Variants in TNS3 observed in about 807,000 individuals in gnomAD.
The protein encoded by TNS3 is tensin 3.
TNS3 carries 45 observed loss-of-function variants against 140.9 expected under a neutral mutation model. That is an observed-to-expected ratio of 0.32 (90% confidence interval 0.25 to 0.41). The LOEUF (loss-of-function observed/expected upper bound fraction) is 0.41. Ranked by LOEUF, TNS3 falls within the 10% of genes least tolerant of loss-of-function variation. The pLI, the probability that TNS3 is intolerant of heterozygous loss-of-function variation, is 1.00. For missense variants in TNS3, 1,716 were observed against 1,906.7 expected (o/e 0.90, Z 1.86); for synonymous variants, 815 against 788.4 (o/e 1.03, Z -0.56).
At chr7:47,334,230 A>G (rs920375912) in intron 20 of TNS3, among the ~76,000 whole-genome samples, 1 of 152,134 alleles carries the variant, frequency 6.6e-6, no homozygotes, top group Non-Finnish European at 1.5e-5. Flanking sequence ...AAAACCTCCA[A>G]TCGACAGCAG....
chr7:47,349,368 T>A (rs1789530258), intron 17 of TNS3, among the ~76,000 whole-genome samples: 1 of 152,362 alleles, frequency 6.6e-6, no homozygotes, highest in East Asian at 1.9e-4. Context: ...TGCCTCTCCC[T>A]CTGGATGGAT....
At chr7:47,450,262 AAAG>A (rs1238644665) in intron 4 of TNS3, among the ~76,000 whole-genome samples, 2 of 152,238 alleles carry the variant, frequency 1.3e-5, no homozygotes, top group Admixed American at 6.5e-5. Context: ...GGCTTATCTA[AAAG>A]AAGAATAGGA....
chr7:47,564,260 T>A (rs1341392048), intron 1 of TNS3, among the ~76,000 whole-genome samples: 6 of 149,380 alleles, frequency 4.0e-5, no homozygotes, highest in African/African-American at 1.5e-4. Context: ...CTCTCCATAA[T>A]GTCAGTGGGG....
chr7:47,433,982 AG>A (rs1231187269), intron 8 of TNS3, among the ~76,000 whole-genome samples: 1 of 152,146 alleles, frequency 6.6e-6, no homozygotes, highest in Non-Finnish European at 1.5e-5. Flanking sequence ...ATACTTGAAA[AG>A]ATCAGGTCAT....
rs1784826444 is a variant in TNS3, at chr7:47,275,269, CA to C, written c.*2806del. Reference sequence around the variant, plus strand: ...ATTTACATACTGGATATATTCTTTACAGTATCAGAAAAGTAAAAATATGCAC... The same window carrying C: ...ATTTACATACTGGATATATTCTTTACGTATCAGAAAAGTAAAAATATGCAC... On this transcript the variant is annotated 3_prime_UTR_variant, in exon 31 of 31. Transcript: ENST00000311160. 1 of 152,652 alleles carries C rather than the reference CA, an allele frequency of 6.6e-6. No homozygotes were observed. The highest frequency in any genetic ancestry group is 6.5e-5 in the Admixed American group (1 of 15,284). The allele number at this position is 152,652 out of a possible 1,614,324, so 9.5% of individuals were successfully genotyped here. A position where few individuals can be genotyped will look rare whatever the true frequency, so the allele number is the denominator to read the frequency against.
At chr7:47,478,188 T>A (rs185410431) in intron 4 of TNS3, among the ~76,000 whole-genome samples, 78 of 152,292 alleles carry the variant, frequency 5.1e-4, no homozygotes, top group Non-Finnish European at 5.9e-5. Flanking sequence ...ACACTTGAGC[T>A]GATCAGCCTT....
At chr7:47,540,699 G>A (rs1799760189) in intron 1 of TNS3, among the ~76,000 whole-genome samples, 1 of 152,242 alleles carries the variant, frequency 6.6e-6, no homozygotes, top group Non-Finnish European at 1.5e-5. Flanking sequence ...GTGACTTGAA[G>A]CAGAAGCAGA....
chr7:47,322,910 G>A (rs796846988), intron 20 of TNS3, among the ~76,000 whole-genome samples: 39 of 152,306 alleles, frequency 2.6e-4, no homozygotes, highest in African/African-American at 9.1e-4. Context: ...GCACACTGCT[G>A]GAACCGTGTC....
intron 3 of TNS3, among the ~76,000 whole-genome samples, chr7:47,489,167 C>T (rs1048553304): frequency 2.0e-5 from 3 of 152,248 alleles, no homozygotes; most frequent in Non-Finnish European, 4.4e-5. Flanking sequence ...AACACCCGCC[C>T]GGCAGACGCA....
At chr7:47,313,549 A>G (rs1002988611) in intron 20 of TNS3, among the ~76,000 whole-genome samples, 1 of 152,218 alleles carries the variant, frequency 6.6e-6, no homozygotes, top group Non-Finnish European at 1.5e-5. Context: ...AAAGAGTCAT[A>G]TAAGAGAGGA....
intron 10 of TNS3, among the ~76,000 whole-genome samples, chr7:47,421,968 G>A (rs777201744): frequency 5.3e-5 from 8 of 152,054 alleles, no homozygotes; most frequent in Non-Finnish European, 1.0e-4. Flanking sequence ...AGCCTGCAGC[G>A]CACCCATCCC....
chr7:47,539,047 G>T (rs1799706082), intron 1 of TNS3: 1 of 456,646 alleles, frequency 2.2e-6, no homozygotes, highest in Non-Finnish European at 4.4e-6. Flanking sequence ...CACGCCCAGA[G>T]GTCAGCTGGA....
At chr7:47,429,884 T>C (rs563223173) in intron 8 of TNS3, among the ~76,000 whole-genome samples, 41 of 152,324 alleles carry the variant, frequency 2.7e-4, no homozygotes, top group African/African-American at 9.1e-4. Flanking sequence ...GCATGCCTTA[T>C]AGATACTCAA....
intron 1 of TNS3, among the ~76,000 whole-genome samples, chr7:47,560,113 C>T (rs1008040299): frequency 2.0e-5 from 3 of 152,002 alleles, no homozygotes; most frequent in Non-Finnish European, 4.4e-5. Context: ...GTCTGTGACC[C>T]GCCCCCCTAC....
chr7:47,448,111 G>A (rs894117004), intron 4 of TNS3, among the ~76,000 whole-genome samples: 4 of 152,242 alleles, frequency 2.6e-5, no homozygotes, highest in Non-Finnish European at 4.4e-5. Flanking sequence ...CATTTCCAGA[G>A]CAGCCATCCC....
At chr7:47,553,722 T>G (rs1800120022) in intron 1 of TNS3, among the ~76,000 whole-genome samples, 1 of 152,202 alleles carries the variant, frequency 6.6e-6, no homozygotes, top group South Asian at 2.1e-4. Flanking sequence ...GAATGTTGTT[T>G]TCATGCCTAC....
At chr7:47,315,369 G>T (rs776447200) in intron 20 of TNS3, among the ~76,000 whole-genome samples, 1 of 152,202 alleles carries the variant, frequency 6.6e-6, no homozygotes, top group Non-Finnish European at 1.5e-5. Context: ...CCCCGGGACC[G>T]GGCTAGAACT....
chr7:47,295,877 A>T (rs1785988372), intron 24 of TNS3, among the ~76,000 whole-genome samples: 1 of 152,238 alleles, frequency 6.6e-6, no homozygotes, highest in Non-Finnish European at 1.5e-5. Context: ...GTTTCATCCA[A>T]GAATTTGGAA....
rs373112529 is a variant in TNS3, at chr7:47,470,943, G to GT, written c.-76+10159dup. On this transcript the variant is annotated intron_variant, in intron 4 of 30. Coordinates refer to ENST00000311160, the MANE Select transcript of TNS3 (RefSeq NM_022748.12). ...AGGCTCACATTGACGGGTGTGTTTT[G>GT]TTTTTTGTTTTTTTTTAATGTGTTG... is the stretch of plus-strand genomic sequence containing the variant. Among the ~76,000 whole-genome samples the GT allele has an allele frequency of 1.9e-3, 267 of 143,916 alleles. 1 individual carries two copies. The highest frequency in any genetic ancestry group is 2.9e-3 in the Admixed American group (41 of 14,240). The allele number at this position is 143,916 out of a possible 152,430, so 94.4% of individuals were successfully genotyped here.
Sources: gnomAD v4.1 joint callset for allele counts (sites outside exome capture counted in the v4.1 genomes callset) on GRCh38, gnomAD v4.1.1 for gene constraint, MANE v1.5 for transcripts, NCBI Gene and HGNC (gene_info 2026-07-23, HGNC 2026-07-21) for gene names.